NR2F6: variants seen among roughly 807,000 people sequenced by gnomAD.
NR2F6 encodes the protein nuclear receptor subfamily 2 group F member 6.
Under a neutral mutation model 26.5 loss-of-function variants are expected in NR2F6, and 16 were observed. The observed-to-expected ratio is 0.60, with a 90% confidence interval of 0.41 to 0.92. The LOEUF (loss-of-function observed/expected upper bound fraction) is 0.92. Among genes scored for constraint, NR2F6 ranks in the 40% least tolerant of loss-of-function variants. The pLI is 0.00. For synonymous variants in NR2F6, 325 were observed against 305.0 expected (o/e 1.07, Z -0.68); for missense variants, 536 against 631.7 (o/e 0.85, Z 1.62).
At chr19:17,242,399 A>G (rs2073474432) in intron 1 of NR2F6, among the ~76,000 whole-genome samples, 1 of 152,176 alleles carries the variant, frequency 6.6e-6, no homozygotes, top group South Asian at 2.1e-4. Flanking sequence ...CGACTGCCCC[A>G]CTGAGCCTCG....
intron 3 of NR2F6, among the ~76,000 whole-genome samples, chr19:17,234,936 G>C (rs182051292): frequency 6.6e-6 from 1 of 152,314 alleles, no homozygotes; most frequent in Admixed American, 6.5e-5. Context: ...GAATACGATG[G>C]GCTACCACTG....
At chr19:17,240,483 G>A (rs1164695606) in intron 2 of NR2F6, among the ~76,000 whole-genome samples, 188 bp downstream of exon 2, 1 of 152,234 alleles carries the variant, frequency 6.6e-6, no homozygotes, top group Non-Finnish European at 1.5e-5. Context: ...GGGCCAGACT[G>A]CAGCCCACGG....
At chr19:17,242,455 G>A (rs1439443703) in intron 1 of NR2F6, among the ~76,000 whole-genome samples, 2 of 152,192 alleles carry the variant, frequency 1.3e-5, no homozygotes, top group Admixed American at 6.5e-5. Context: ...CCTATCATAT[G>A]GGATGGACTG....
intron 1 of NR2F6, among the ~76,000 whole-genome samples, chr19:17,241,647 G>A (rs2073469832): frequency 6.6e-6 from 1 of 152,242 alleles, no homozygotes; most frequent in Non-Finnish European, 1.5e-5. Context: ...TGGGCCTGGA[G>A]CAACTACCCC....
Position 17,235,971 on chromosome 19 carries a change from G to A in NR2F6, c.468C>T (p.Ser156=), listed in dbSNP as rs577835172. 3,537 of 1,470,214 alleles carry A rather than the reference G, an allele frequency of 2.4e-3. 63 individuals are homozygous for A. In the African/African-American group the frequency reaches 0.045, roughly 19 times the overall value. The allele number at this position is 1,470,214 out of a possible 1,614,324, so 91.1% of individuals were successfully genotyped here. Reference sequence around the variant, plus strand: ...GCTGCCCCGGGAAGAGGTCTCCGCCGCTCGCCACTGCCGCCAGCGCCGAGC... The same window carrying A: ...GCTGCCCCGGGAAGAGGTCTCCGCCACTCGCCACTGCCGCCAGCGCCGAGC... The part of the protein sequence containing the change: ...PPGSALAAVA[S]GGDLFPGQPV... Residue 156 remains serine (S), a synonymous_variant, in exon 3 of 4, where the codon AGC becomes AGT. Transcript: ENST00000291442. This position sits in a 1 kb window ranked among gnomAD's most constrained non-coding sequence, Gnocchi z 5.0.
At chr19:17,238,709 C>G (rs1483514780) in intron 2 of NR2F6, among the ~76,000 whole-genome samples, 1 of 152,138 alleles carries the variant, frequency 6.6e-6, no homozygotes, top group African/African-American at 2.4e-5. Flanking sequence ...AGGGAGTGAT[C>G]AGTTTTAAAA....
chr19:17,241,962 G>A (rs917572860), intron 1 of NR2F6, among the ~76,000 whole-genome samples: 4 of 150,972 alleles, frequency 2.6e-5, no homozygotes, highest in African/African-American at 4.9e-5. Flanking sequence ...GTTGCAGTGA[G>A]CCAAGATTGA....
rs12974387 is a variant in NR2F6, at chr19:17,244,955, C to G, written c.266G>C (p.Ser89Thr). 6.4e-7 allele frequency: 1 copy of G among 1,563,286 alleles called. No individual in the cohort carries two copies. Among genetic ancestry groups the G allele is most frequent in the Non-Finnish European group, 8.7e-7 (1 of 1,154,496 alleles). ...ATGGGGGGCTCACCGGCAGGTGTAG[C>G]TGAGGTTGCGGCGGATGCTTCGCTT... ...FFKRSIRRNL[S>T]YTCRSNRDCQ... Residue 89 changes from serine (S) to threonine (T), a missense_variant, in exon 1 of 4, where the codon AGC (serine) becomes ACC (threonine). By Grantham distance (58) the Ser-to-Thr change is moderately conservative. Coordinates refer to ENST00000291442, the MANE Select transcript of NR2F6 (RefSeq NM_005234.4).
At position 17,245,270 on chromosome 19, in the gene NR2F6, G is replaced by A. The variant is rs1446767585; in HGVS notation, c.-50C>T. The A allele has an allele frequency of 9.1e-6, 11 of 1,210,336 alleles. No individual in the cohort carries two copies. The highest frequency in any genetic ancestry group is 3.6e-5 in the East Asian group (1 of 27,572). 75.0% of individuals were successfully genotyped at this position (1,210,336 alleles called of 1,614,324 possible). On this transcript the variant is annotated 5_prime_UTR_variant, in exon 1 of 4. Coordinates refer to ENST00000291442, the MANE Select transcript of NR2F6 (RefSeq NM_005234.4). The surrounding 1 kb of genome is among the most constrained non-coding windows in gnomAD (Gnocchi z 5.0). ...CGCCCCCACCGCGCTCTTCCCTCCGGGCACCCCTCTCGGCCCGGGGGACCC... is the reference window on the plus strand; with the variant it reads ...CGCCCCCACCGCGCTCTTCCCTCCGAGCACCCCTCTCGGCCCGGGGGACCC...
chr19:17,241,007 G>A (rs2073466402), intron 1 of NR2F6, among the ~76,000 whole-genome samples: 1 of 152,256 alleles, frequency 6.6e-6, no homozygotes, highest in Admixed American at 6.5e-5. Context: ...ACCCCAGGGA[G>A]GGCACATTGG....
At position 17,232,256 on chromosome 19, in the gene NR2F6, G is replaced by C; in HGVS notation, c.*96C>G. On this transcript the variant is annotated 3_prime_UTR_variant, in exon 4 of 4. Coordinates refer to ENST00000291442, the MANE Select transcript of NR2F6 (RefSeq NM_005234.4). ...TAGAAGTCTGAGGAGAGAAGCCAGAGTCCTGGGCCCCGGGAGGCCCCTCGA... is the reference window on the plus strand; with the variant it reads ...TAGAAGTCTGAGGAGAGAAGCCAGACTCCTGGGCCCCGGGAGGCCCCTCGA... 6.6e-7 allele frequency: 1 copy of C among 1,517,880 alleles called. No individual in the cohort carries two copies. The highest frequency in any genetic ancestry group is 2.0e-4 in the Middle Eastern group (1 of 5,090). The allele number at this position is 1,517,880 out of a possible 1,614,324, so 94.0% of individuals were successfully genotyped here.
chr19:17,232,708 C>A lies in NR2F6; in HGVS notation c.941-82G>T. On this transcript the variant is annotated intron_variant, in intron 3 of 3. Transcript: ENST00000291442. ...ACAGGGGTGACTAGGGGACACCACT[C>A]GCCACTGTGGGTAAGAACAGGGGGC... is the stretch of plus-strand genomic sequence containing the variant. The A allele has an allele frequency of 8.3e-6, 12 of 1,453,360 alleles. No homozygotes were observed. The South Asian group carries it at 1.7e-4, about 20-fold the overall frequency. The allele number at this position is 1,453,360 out of a possible 1,614,324, so 90.0% of individuals were successfully genotyped here. A position where few individuals can be genotyped will look rare whatever the true frequency, so the allele number is the denominator to read the frequency against.
intron 3 of NR2F6, 82 bp from the exon 4 acceptor site, chr19:17,232,708 C>T (rs145223428): frequency 8.3e-6 from 12 of 1,453,362 alleles, no homozygotes; most frequent in African/African-American, 2.8e-5. Flanking sequence ...GGACACCACT[C>T]GCCACTGTGG....
intron 1 of NR2F6, among the ~76,000 whole-genome samples, chr19:17,243,234 C>A (rs2073478753): frequency 6.6e-6 from 1 of 152,240 alleles, no homozygotes; most frequent in South Asian, 2.1e-4. Flanking sequence ...CTCCCTGGGA[C>A]CCCAGATCCC....
chr19:17,234,050 C>G (rs1241174637), intron 3 of NR2F6, among the ~76,000 whole-genome samples: 1 of 151,712 alleles, frequency 6.6e-6, no homozygotes, highest in East Asian at 1.9e-4. Flanking sequence ...TGATGAAACC[C>G]CGTCTCTACT....
chr19:17,242,077 G>A (rs2073472719), intron 1 of NR2F6, among the ~76,000 whole-genome samples: 2 of 152,026 alleles, frequency 1.3e-5, no homozygotes, highest in African/African-American at 4.8e-5. Flanking sequence ...CCAGCACTTT[G>A]GGAGGCCGAG....
Position 17,232,137 on chromosome 19 carries a change from G to C in NR2F6, c.*215C>G. 1 of 657,666 alleles carries C rather than the reference G, an allele frequency of 1.5e-6. No homozygotes were observed. The highest frequency in any genetic ancestry group is 2.5e-6 in the Non-Finnish European group (1 of 399,504). The allele number at this position is 657,666 out of a possible 1,614,324, so 40.7% of individuals were successfully genotyped here. ...CTCCATCCTGGACAGGGGTCCTGGG[G>C]AGGATGAGGCTGAGGCCTGGATGAT... On this transcript the variant is annotated 3_prime_UTR_variant, in exon 4 of 4. Transcript: ENST00000291442.
chr19:17,237,815 T>C (rs1165545057), intron 2 of NR2F6, among the ~76,000 whole-genome samples: 1 of 152,116 alleles, frequency 6.6e-6, no homozygotes, highest in Admixed American at 6.6e-5. Context: ...CTCTGACAAA[T>C]GGCCTCACCA....
intron 1 of NR2F6, 97 bp from the exon 2 acceptor site, chr19:17,240,862 C>T: frequency 8.5e-7 from 1 of 1,177,592 alleles, no homozygotes; most frequent in Non-Finnish European, 1.2e-6. Flanking sequence ...CTCAGAAATA[C>T]TAGTAGGGGC....
Sources: allele counts gnomAD v4.1 joint callset (sites outside exome capture counted in the v4.1 genomes callset), GRCh38; gene constraint gnomAD v4.1.1; non-coding constraint Gnocchi (gnomAD v3.1); transcripts MANE v1.5; gene names NCBI Gene and HGNC (gene_info 2026-07-23, HGNC 2026-07-21).